ADAMTS12: variants seen among roughly 807,000 people sequenced by gnomAD.
ADAMTS12 encodes A disintegrin and metalloproteinase with thrombospondin motifs 12.
ADAMTS12 carries 118 observed loss-of-function variants against 167.8 expected under a neutral mutation model. The observed-to-expected ratio is 0.70, with a 90% confidence interval of 0.61 to 0.82. The LOEUF (loss-of-function observed/expected upper bound fraction) is 0.82, where lower values mean the gene tolerates loss of function less well. ADAMTS12 is among the 40% of genes least tolerant of loss of function. The probability of loss-of-function intolerance (pLI) is 0.00; values close to 1 mark genes in which losing one functional copy is unlikely to be tolerated. For missense variants in ADAMTS12, 1,916 were observed against 1,998.8 expected (o/e 0.96, Z 0.79); for synonymous variants, 704 against 716.9 (o/e 0.98, Z 0.29).
rs367882059 is a variant in ADAMTS12 at position 33,577,133 on chromosome 5, G to A, written c.2893C>T (p.Arg965Trp). The A allele has an allele frequency of 2.0e-5, 33 of 1,614,080 alleles. No homozygotes were observed. Among genetic ancestry groups the A allele is most frequent in the Non-Finnish European group, 2.6e-5 (31 of 1,180,014 alleles). ...ECSVSCGGGVRIRSVTCAKNH... is the reference protein window; with the variant it reads ...ECSVSCGGGVWIRSVTCAKNH... ...TTGGCACATGTGACACTGCGAATCCGCACTCCACCACCACAGGAAACAGAA... is the reference window on the plus strand; with the variant it reads ...TTGGCACATGTGACACTGCGAATCCACACTCCACCACCACAGGAAACAGAA... Residue 965 changes from arginine to tryptophan, a missense_variant, in exon 19 of 24, where the codon CGG (arginine) becomes TGG (tryptophan). Coordinates refer to ENST00000504830, the MANE Select transcript of ADAMTS12 (RefSeq NM_030955.4).
chr5:33,868,408 T>C (rs756854105), intron 2 of ADAMTS12, among the ~76,000 whole-genome samples: 1 of 152,210 alleles, frequency 6.6e-6, no homozygotes, highest in Non-Finnish European at 1.5e-5. Context: ...TCCAGGCTGA[T>C]AGTGACATAG....
chr5:33,855,761 T>C (rs1749375698), intron 2 of ADAMTS12, among the ~76,000 whole-genome samples: 1 of 152,172 alleles, frequency 6.6e-6, no homozygotes, highest in South Asian at 2.1e-4. Context: ...TCTTGCTCTA[T>C]TGCCCGGGCT....
chr5:33,888,557 A>C (rs1038757746), intron 1 of ADAMTS12, among the ~76,000 whole-genome samples: 1 of 152,202 alleles, frequency 6.6e-6, no homozygotes, highest in African/African-American at 2.4e-5. Context: ...ATACATAAAT[A>C]ATTAAAACTC....
intron 2 of ADAMTS12, among the ~76,000 whole-genome samples, chr5:33,878,014 G>A (rs1750292165): frequency 6.6e-6 from 1 of 152,186 alleles, no homozygotes; most frequent in South Asian, 2.1e-4. Flanking sequence ...TAAAAGTGGA[G>A]AAGGGCTTAG....
At chr5:33,748,062 T>C (rs1402063331) in intron 3 of ADAMTS12, among the ~76,000 whole-genome samples, 2 of 152,180 alleles carry the variant, frequency 1.3e-5, no homozygotes, top group African/African-American at 4.8e-5. Flanking sequence ...AATCCCAGAC[T>C]CTGACCTTAC....
At chr5:33,887,328 G>A (rs2111801110) in intron 1 of ADAMTS12, among the ~76,000 whole-genome samples, 1 of 152,244 alleles carries the variant, frequency 6.6e-6, no homozygotes, top group East Asian at 1.9e-4. Flanking sequence ...AGTGACAACA[G>A]TGAGGGATGA....
chr5:33,820,017 G>A (rs1747812441), intron 2 of ADAMTS12, among the ~76,000 whole-genome samples: 1 of 152,196 alleles, frequency 6.6e-6, no homozygotes, highest in Admixed American at 6.5e-5. Flanking sequence ...TCTAGGTATT[G>A]TTGGGCATGG....
intron 5 of ADAMTS12, among the ~76,000 whole-genome samples, chr5:33,667,405 T>C (rs2112229290): frequency 6.6e-6 from 1 of 152,086 alleles, no homozygotes; most frequent in Non-Finnish European, 1.5e-5. Flanking sequence ...TAGGAATAAT[T>C]CTGTATGGTT....
At chr5:33,535,030 C>A in intron 22 of ADAMTS12, 38 bp from the exon 23 acceptor site, 2 of 1,550,576 alleles carry the variant, frequency 1.3e-6, no homozygotes, top group Non-Finnish European at 1.7e-6. Flanking sequence ...GAAGTCCTCC[C>A]CACGACTCCC....
At chr5:33,643,308 C>G in intron 10 of ADAMTS12, 70 bp downstream of exon 10, 3 of 1,520,154 alleles carry the variant, frequency 2.0e-6, no homozygotes, top group South Asian at 2.2e-5. Context: ...CCTCTAGGGC[C>G]TTCTCCTCAG....
At position 33,881,189 on chromosome 5, in the gene ADAMTS12, T is replaced by C. The variant is rs559253186; in HGVS notation, c.419A>G (p.His140Arg). ...CTGCTGTAGAACCGTGCCACTGAGA[T>C]GGCAGAGGGGGGCAGAGGAAGCCAT... is the stretch of plus-strand genomic sequence containing the variant. ...KMMASSAPLC[H>R]LSGTVLQQGT... Residue 140 changes from histidine (H) to arginine (R), a missense_variant, in exon 2 of 24, where the codon CAT becomes CGT. Coordinates refer to ENST00000504830, the MANE Select transcript of ADAMTS12 (RefSeq NM_030955.4). The C allele has an allele frequency of 3.7e-6, 6 of 1,613,996 alleles. No individual in the cohort carries two copies. Among genetic ancestry groups the C allele is most frequent in the Admixed American group, 1.7e-5 (1 of 59,998 alleles).
chr5:33,649,036 A>G, intron 8 of ADAMTS12, 70 bp from the exon 9 acceptor site: 1 of 1,567,766 alleles, frequency 6.4e-7, no homozygotes. Flanking sequence ...TTCATTCAAC[A>G]GAAACTTCCC....
At chr5:33,740,404 T>A (rs1362114828) in intron 3 of ADAMTS12, among the ~76,000 whole-genome samples, 1 of 152,148 alleles carries the variant, frequency 6.6e-6, no homozygotes, top group Admixed American at 6.5e-5. Context: ...AATGTAGGGC[T>A]CCGGCCTGGG....
chr5:33,788,492 G>A (rs184751017), intron 2 of ADAMTS12, among the ~76,000 whole-genome samples: 1 of 152,078 alleles, frequency 6.6e-6, no homozygotes, highest in Non-Finnish European at 1.5e-5. Context: ...GCTAAAATAT[G>A]CCAGGTTCAG....
chr5:33,849,297 T>TAC (rs1440427395), intron 2 of ADAMTS12, among the ~76,000 whole-genome samples: 3 of 115,652 alleles, frequency 2.6e-5, no homozygotes, highest in African/African-American at 1.0e-4. Flanking sequence ...TGCATAGCAA[T>TAC]ATATATATAT....
At chr5:33,722,117 T>C (rs2112337019) in intron 3 of ADAMTS12, among the ~76,000 whole-genome samples, 1 of 152,330 alleles carries the variant, frequency 6.6e-6, no homozygotes, top group South Asian at 2.1e-4. Context: ...CAAACTGCAA[T>C]GTGACTAACA....
rs902253344 is a variant in ADAMTS12 at position 33,624,499 on chromosome 5, C to T, written c.2023-148G>A. On this transcript the variant is annotated intron_variant, in intron 13 of 23. Coordinates refer to ENST00000504830, the MANE Select transcript of ADAMTS12 (RefSeq NM_030955.4). ...GACAAATGTTTGTTCCTGGTGGCAGCAAGAGGAATATCCAAGCATCCACCA... is the reference window on the plus strand; with the variant it reads ...GACAAATGTTTGTTCCTGGTGGCAGTAAGAGGAATATCCAAGCATCCACCA... The T allele has an allele frequency of 1.4e-5, 16 of 1,172,358 alleles. No individual in the cohort carries two copies. In the African/African-American group the frequency reaches 2.3e-4, roughly 17 times the overall value. 72.6% of individuals were successfully genotyped at this position (1,172,358 alleles called of 1,614,324 possible).
chr5:33,538,978 G>C (rs1167107918), intron 22 of ADAMTS12, among the ~76,000 whole-genome samples: 1 of 152,128 alleles, frequency 6.6e-6, no homozygotes, highest in Admixed American at 6.5e-5. Flanking sequence ...GTCTTGCTCT[G>C]TCACCCAGGC....
chr5:33,854,046 C>A (rs1291483069), intron 2 of ADAMTS12, among the ~76,000 whole-genome samples: 2 of 152,196 alleles, frequency 1.3e-5, no homozygotes, highest in African/African-American at 4.8e-5. Flanking sequence ...GCCCTTTATG[C>A]AAAATATGTC....
Sources: gnomAD v4.1 joint callset for allele counts (sites outside exome capture counted in the v4.1 genomes callset) on GRCh38, gnomAD v4.1.1 for gene constraint, MANE v1.5 for transcripts, NCBI Gene and HGNC (gene_info 2026-07-23, HGNC 2026-07-21) for gene names.